Variants in SCHIP1 observed in about 807,000 individuals in gnomAD.
SCHIP1 encodes the protein schwannomin-interacting protein 1.
In SCHIP1, 8 loss-of-function variants were observed where a neutral mutation model predicts 29.7. The ratio of observed to expected loss-of-function variants is 0.27; its 90% CI spans 0.16 to 0.49. The LOEUF (loss-of-function observed/expected upper bound fraction) is 0.49, where lower values mean the gene tolerates loss of function less well. Ranked by LOEUF, SCHIP1 falls within the 20% of genes least tolerant of loss-of-function variation. The pLI, the probability that SCHIP1 is intolerant of heterozygous loss-of-function variation, is 0.99. For missense variants in SCHIP1, 193 were observed against 294.6 expected (o/e 0.66, Z 2.52); for synonymous variants, 76 against 94.9 (o/e 0.80, Z 1.16).
chr3:159,675,770 C>G, the SCHIP1 span, among the ~76,000 whole-genome samples: 6,960 of 152,244 alleles, frequency 0.046, 283 homozygotes, highest in African/African-American at 0.11. Context: ...AAGAAAAGTG[C>G]TGTCTCCCCA....
At chr3:159,545,365 T>C in the SCHIP1 span, among the ~76,000 whole-genome samples, 1 of 151,902 alleles carries the variant, frequency 6.6e-6, no homozygotes, top group Non-Finnish European at 1.5e-5. Flanking sequence ...GGCTAGAATA[T>C]AAGCAGGCAG....
the SCHIP1 span, among the ~76,000 whole-genome samples, chr3:159,467,004 G>T: frequency 6.6e-6 from 1 of 152,028 alleles, no homozygotes; most frequent in Non-Finnish European, 1.5e-5. Context: ...TAAGAAAAAT[G>T]AACATAACAA....
At chr3:159,576,463 T>C in the SCHIP1 span, among the ~76,000 whole-genome samples, 1 of 152,236 alleles carries the variant, frequency 6.6e-6, no homozygotes, top group African/African-American at 2.4e-5. Context: ...CCCTTTAATG[T>C]ATCTACCTAT....
intron 1 of SCHIP1, chr3:159,853,433 G>A: frequency 1.4e-6 from 1 of 698,258 alleles, no homozygotes; most frequent in Non-Finnish European, 2.6e-6. Flanking sequence ...AATCCTCATT[G>A]GATATGGAGG....
the SCHIP1 span, among the ~76,000 whole-genome samples, chr3:159,508,052 C>T: frequency 6.6e-6 from 1 of 152,206 alleles, no homozygotes. Flanking sequence ...GTACCAGCTC[C>T]TCCTTGTACC....
chr3:159,480,422 T>C, the SCHIP1 span, among the ~76,000 whole-genome samples: 1 of 152,188 alleles, frequency 6.6e-6, no homozygotes. Flanking sequence ...AATCCAATTT[T>C]CTCACTCTGT....
intron 2 of SCHIP1, among the ~76,000 whole-genome samples, chr3:159,882,345 A>AT (rs200270737): frequency 0.014 from 2,076 of 152,322 alleles, 20 homozygotes; most frequent in Middle Eastern, 0.02. Context: ...GGACAGGGGG[A>AT]TAAAAATCTT....
At chr3:159,667,691 G>A in the SCHIP1 span, among the ~76,000 whole-genome samples, 3 of 152,224 alleles carry the variant, frequency 2.0e-5, no homozygotes, top group African/African-American at 7.2e-5. Flanking sequence ...ACAGGGAAAT[G>A]TCTTTTATGG....
At chr3:159,624,684 G>A in the SCHIP1 span, among the ~76,000 whole-genome samples, 3 of 152,126 alleles carry the variant, frequency 2.0e-5, no homozygotes, top group Admixed American at 6.6e-5. Flanking sequence ...GATTGAAAGG[G>A]CAGCTACAAA....
At chr3:159,650,106 G>A in the SCHIP1 span, among the ~76,000 whole-genome samples, 6 of 152,136 alleles carry the variant, frequency 3.9e-5, no homozygotes, top group Admixed American at 3.9e-4. Context: ...CATTGAGCTG[G>A]AAGGGACTTT....
At chr3:159,807,212 G>C in the SCHIP1 span, among the ~76,000 whole-genome samples, 171 of 152,306 alleles carry the variant, frequency 1.1e-3, no homozygotes, top group Non-Finnish European at 1.7e-3. Context: ...AACCACTTAA[G>C]AGTTGTAAGT....
the SCHIP1 span, among the ~76,000 whole-genome samples, chr3:159,359,695 A>C: frequency 6.6e-6 from 1 of 152,240 alleles, no homozygotes; most frequent in Non-Finnish European, 1.5e-5. Flanking sequence ...ATAGTAAAAG[A>C]AGGAAGCTTA....
the SCHIP1 span, among the ~76,000 whole-genome samples, chr3:159,615,124 G>C: frequency 6.6e-6 from 1 of 152,188 alleles, no homozygotes; most frequent in Non-Finnish European, 1.5e-5. Flanking sequence ...CCAAGAACGG[G>C]GTAGAGGTAA....
At chr3:159,837,209 C>A (rs912634995), upstream of SCHIP1, among the ~76,000 whole-genome samples, 2 of 152,020 alleles carry the variant, frequency 1.3e-5, no homozygotes, top group African/African-American at 4.8e-5. Flanking sequence ...CAGGAAGCAG[C>A]TTTTTAAGCT....
chr3:159,568,082 T>TA, the SCHIP1 span, among the ~76,000 whole-genome samples: 2 of 152,074 alleles, frequency 1.3e-5, no homozygotes, highest in Non-Finnish European at 2.9e-5. Context: ...CACCTCTTTT[T>TA]ATATTTTTAT....
At chr3:159,381,674 C>A in the SCHIP1 span, among the ~76,000 whole-genome samples, 1 of 152,052 alleles carries the variant, frequency 6.6e-6, no homozygotes, top group Non-Finnish European at 1.5e-5. Context: ...TGGCTCACTG[C>A]AACCTCCACC....
the SCHIP1 span, among the ~76,000 whole-genome samples, chr3:159,400,406 C>T: frequency 6.6e-6 from 1 of 152,282 alleles, no homozygotes; most frequent in South Asian, 2.1e-4. Context: ...AGTAATATTT[C>T]AAACAAATTC....
the SCHIP1 span, among the ~76,000 whole-genome samples, chr3:159,778,356 A>C: frequency 7.9e-5 from 12 of 152,288 alleles, no homozygotes; most frequent in East Asian, 2.1e-3. Context: ...TTAGATTTGC[A>C]AATAAATTAC....
chr3:159,743,935 C>T, the SCHIP1 span, among the ~76,000 whole-genome samples: 2 of 152,108 alleles, frequency 1.3e-5, no homozygotes, highest in Non-Finnish European at 2.9e-5. Flanking sequence ...GTTAAATGAA[C>T]ATAGATGAAC....
Sources: allele counts gnomAD v4.1 joint callset (sites outside exome capture counted in the v4.1 genomes callset), GRCh38; gene constraint gnomAD v4.1.1; transcripts MANE v1.5; gene names NCBI Gene and HGNC (gene_info 2026-07-23, HGNC 2026-07-21).